Variants in KCNB2 observed in about 807,000 individuals in gnomAD.
KCNB2 encodes the protein delayed rectifier potassium channel protein.
Under a neutral mutation model 61.5 loss-of-function variants are expected in KCNB2, and 15 were observed. The ratio of observed to expected loss-of-function variants is 0.24; its 90% CI spans 0.16 to 0.38. KCNB2 has a LOEUF of 0.38. Among genes scored for constraint, KCNB2 ranks in the 10% least tolerant of loss-of-function variants. The pLI, the probability that KCNB2 is intolerant of heterozygous loss-of-function variation, is 1.00. For missense variants in KCNB2, 828 were observed against 1,125.2 expected (o/e 0.74, Z 3.78); for synonymous variants, 457 against 446.0 (o/e 1.02, Z -0.31).
intron 2 of KCNB2, among the ~76,000 whole-genome samples, chr8:72,578,983 T>C (rs1293943862): frequency 6.6e-6 from 1 of 152,050 alleles, no homozygotes; most frequent in Admixed American, 6.6e-5. Flanking sequence ...GCAGAAGAGG[T>C]TCTCTAAGGC....
intron 2 of KCNB2, among the ~76,000 whole-genome samples, chr8:72,861,753 G>C (rs1393934881): frequency 1.3e-5 from 2 of 152,172 alleles, no homozygotes; most frequent in Non-Finnish European, 2.9e-5. Flanking sequence ...CATTGATCTT[G>C]TTAAAATTAA....
intron 2 of KCNB2, among the ~76,000 whole-genome samples, chr8:72,633,978 C>T (rs1805924456): frequency 8.0e-6 from 1 of 125,478 alleles, no homozygotes. Context: ...AGGAGTCAGA[C>T]TGGAACACCT....
intron 2 of KCNB2, among the ~76,000 whole-genome samples, chr8:72,720,144 CTG>C (rs1239055438): frequency 1.3e-5 from 2 of 152,206 alleles, no homozygotes; most frequent in African/African-American, 4.8e-5. Context: ...CAGAGATGAG[CTG>C]TTAGCCACTG....
intron 2 of KCNB2, among the ~76,000 whole-genome samples, chr8:72,781,853 A>G (rs552311223): frequency 4.6e-5 from 7 of 152,316 alleles, no homozygotes; most frequent in African/African-American, 1.7e-4. Flanking sequence ...CAGCAAACTA[A>G]CACATGAACA....
Position 72,936,762 on chromosome 8 carries a change from T to C in KCNB2, c.1407T>C (p.Val469=), listed in dbSNP as rs1806910803. The change falls in exon 3 of 3, where the codon GTT becomes GTC. Residue 469 remains valine, a synonymous_variant. Coordinates refer to ENST00000523207, the MANE Select transcript of KCNB2 (RefSeq NM_004770.3). This position sits in a 1 kb window ranked among gnomAD's most constrained non-coding sequence, Gnocchi z 5.6. Reference sequence around the variant, plus strand: ...GTATGGAACTGATAGATGTGGCTGTTGAGAAGGCCGGAGAGTCCGCCAACA... The same window carrying C: ...GTATGGAACTGATAGATGTGGCTGTCGAGAAGGCCGGAGAGTCCGCCAACA... The part of the protein sequence containing the change: ...ARSMELIDVA[V]EKAGESANTK... 1 of 1,614,052 alleles carries C rather than the reference T, an allele frequency of 6.2e-7. No homozygotes were observed. Among genetic ancestry groups the C allele is most frequent in the Admixed American group, 1.7e-5 (1 of 60,008 alleles).
At chr8:72,613,177 A>G (rs1406147420) in intron 2 of KCNB2, among the ~76,000 whole-genome samples, 3 of 152,188 alleles carry the variant, frequency 2.0e-5, no homozygotes, top group Non-Finnish European at 4.4e-5. Context: ...ATCTGAATTT[A>G]GAAAGATAAA....
chr8:72,828,599 CTCTT>C (rs1809638600), intron 2 of KCNB2, among the ~76,000 whole-genome samples: 1 of 152,156 alleles, frequency 6.6e-6, no homozygotes, highest in South Asian at 2.1e-4. Context: ...CATCTGTTTG[CTCTT>C]TCTATGGATC....
chr8:72,816,517 A>G (rs1281456097), intron 2 of KCNB2, among the ~76,000 whole-genome samples: 1 of 152,212 alleles, frequency 6.6e-6, no homozygotes, highest in Non-Finnish European at 1.5e-5. Context: ...AAATACAGCA[A>G]TTTCTCAAGT....
intron 2 of KCNB2, among the ~76,000 whole-genome samples, chr8:72,716,728 A>G (rs1332076386): frequency 6.6e-6 from 1 of 152,040 alleles, no homozygotes; most frequent in Non-Finnish European, 1.5e-5. Flanking sequence ...CAAAAACTGG[A>G]AGCATTCCCT....
intron 2 of KCNB2, among the ~76,000 whole-genome samples, chr8:72,696,366 C>T (rs6982043): frequency 0.015 from 2,298 of 152,078 alleles, 46 homozygotes; most frequent in African/African-American, 0.053. Context: ...GATTTCAGTT[C>T]GGGGAATTAA....
intron 2 of KCNB2, among the ~76,000 whole-genome samples, chr8:72,577,066 C>T (rs554979881): frequency 6.6e-6 from 1 of 152,324 alleles, no homozygotes; most frequent in Admixed American, 6.5e-5. Context: ...TTTAAGTTAA[C>T]TCCTTAACTA....
chr8:72,597,728 T>C (rs945648055), intron 2 of KCNB2, among the ~76,000 whole-genome samples: 4 of 152,208 alleles, frequency 2.6e-5, no homozygotes, highest in African/African-American at 9.6e-5. Context: ...ACTGGTCCCA[T>C]ATGGGAATAT....
chr8:72,904,635 T>A (rs187781130), intron 2 of KCNB2, among the ~76,000 whole-genome samples: 104 of 152,248 alleles, frequency 6.8e-4, no homozygotes, highest in African/African-American at 2.3e-3. Flanking sequence ...TAAGTAGATT[T>A]GGTGTTTAAA....
chr8:72,872,701 C>A (rs4336647), intron 2 of KCNB2, among the ~76,000 whole-genome samples: 137,388 of 152,298 alleles, frequency 0.9, 62,713 homozygotes, highest in Middle Eastern at 0.97. Flanking sequence ...TTTCTATAAA[C>A]GAAGAGCATG....
intron 2 of KCNB2, among the ~76,000 whole-genome samples, chr8:72,920,463 A>ATATATATGTGTGTGTG (rs1806494698): frequency 1.2e-5 from 1 of 84,408 alleles, no homozygotes; most frequent in African/African-American, 6.0e-5. Context: ...CTATCTATCT[A>ATATATATGTGTGTGTG]TCTATCTATC....
chr8:72,734,746 G>A (rs1807810214), intron 2 of KCNB2, among the ~76,000 whole-genome samples: 1 of 152,162 alleles, frequency 6.6e-6, no homozygotes, highest in South Asian at 2.1e-4. Context: ...ACGTGCTCTA[G>A]GGGATTACCT....
intron 2 of KCNB2, among the ~76,000 whole-genome samples, chr8:72,720,494 C>T (rs796185612): frequency 6.6e-6 from 1 of 152,074 alleles, no homozygotes; most frequent in Admixed American, 6.6e-5. Flanking sequence ...AAGTTTATCT[C>T]CTTGCAAAAC....
chr8:72,590,134 C>A (rs1807071002), intron 2 of KCNB2, among the ~76,000 whole-genome samples: 1 of 152,134 alleles, frequency 6.6e-6, no homozygotes, highest in Non-Finnish European at 1.5e-5. Context: ...GAGCTGTAGA[C>A]ACCCAGAGTC....
At chr8:72,605,199 C>A (rs1805424899) in intron 2 of KCNB2, among the ~76,000 whole-genome samples, 1 of 152,136 alleles carries the variant, frequency 6.6e-6, no homozygotes, top group Admixed American at 6.5e-5. Flanking sequence ...AATGCAACGC[C>A]CCATTGCACT....
Sources: allele counts gnomAD v4.1 joint callset (sites outside exome capture counted in the v4.1 genomes callset), GRCh38; gene constraint gnomAD v4.1.1; non-coding constraint Gnocchi (gnomAD v3.1); transcripts MANE v1.5; gene names NCBI Gene and HGNC (gene_info 2026-07-23, HGNC 2026-07-21).